QRICH2: variants seen among roughly 807,000 people sequenced by gnomAD.
The protein encoded by QRICH2 is glutamine-rich protein 2.
A neutral mutation model predicts 168.3 loss-of-function variants in QRICH2; 119 were observed. That is an observed-to-expected ratio of 0.71 (90% confidence interval 0.61 to 0.82). QRICH2 has a LOEUF of 0.82. Among genes scored for constraint, QRICH2 ranks in the 40% least tolerant of loss-of-function variants. The pLI is 0.00. For missense variants in QRICH2, 2,241 were observed against 2,491.6 expected (o/e 0.90, Z 2.14); for synonymous variants, 894 against 951.2 (o/e 0.94, Z 1.11).
At chr17:76,282,233 C>T in intron 7 of QRICH2, 118 bp from the exon 8 acceptor site, 1 of 1,286,564 alleles carries the variant, frequency 7.8e-7, no homozygotes. Context: ...TGGGCAGTTG[C>T]TGCATCCTCA....
chr17:76,307,681 C>G lies in QRICH2; in HGVS notation c.318G>C (p.Leu106=), dbSNP rs997607912. The change falls in exon 1 of 19, where the codon CTG becomes CTC. Residue 106 remains leucine (L), a synonymous_variant. Coordinates refer to ENST00000680821, the MANE Select transcript of QRICH2 (RefSeq NM_001388453.1). This position sits in a 1 kb window ranked among gnomAD's most constrained non-coding sequence, Gnocchi z 5.3. ...SSALESQVKD[L]GGQVEDLSKQ... is the part of the protein sequence containing the mutation. ...TGCTCAGGTCCTCCACCTGGCCGCC[C>G]AGGTCCTTCACTTGGCTCTCCAGCG... 6.9e-7 allele frequency: 1 copy of G among 1,453,078 alleles called. No individual in the cohort carries two copies. The highest frequency in any genetic ancestry group is 9.1e-7 in the Non-Finnish European group (1 of 1,101,048). 90.0% of individuals were successfully genotyped at this position (1,453,078 alleles called of 1,614,324 possible).
In QRICH2 at chr17:76,279,361, A is replaced by G; in HGVS notation, c.4814+2T>C. 1 of 1,611,940 alleles carries G rather than the reference A, an allele frequency of 6.2e-7. No homozygotes were observed. Among genetic ancestry groups the G allele is most frequent in the Non-Finnish European group, 8.5e-7 (1 of 1,178,990 alleles). ...CCACGTGCCGGCGGTGTGGGCACTCACTGTCCAGTCACAGGTGTCTCCAAG... is the reference window on the plus strand; with the variant it reads ...CCACGTGCCGGCGGTGTGGGCACTCGCTGTCCAGTCACAGGTGTCTCCAAG... On this transcript the variant is annotated splice_donor_variant, in intron 13 of 18. Coordinates refer to ENST00000680821, the MANE Select transcript of QRICH2 (RefSeq NM_001388453.1). LOFTEE classifies it high-confidence loss of function.
Position 76,292,061 on chromosome 17 carries a change from C to T in QRICH2, c.2666G>A (p.Arg889His), listed in dbSNP as rs138518413. 2.3e-4 allele frequency: 371 copies of T among 1,613,986 alleles called. No individual in the cohort carries two copies. The African/African-American group carries it at 3.1e-3, about 14-fold the overall frequency. ...ATCTGCACCAGGTTGGATCAAACCA[C>T]GCTGGTCCATTCCAGGTTGGACCAA... ...RGLVQPGMDQRGLIQPGADQP... is the reference protein window; with the variant it reads ...RGLVQPGMDQHGLIQPGADQP... The change falls in exon 4 of 19, where the codon CGT (arginine) becomes CAT (histidine). Residue 889 changes from arginine (R) to histidine (H), a missense_variant. Around this residue, in one of 3 missense-constraint regions of QRICH2, gnomAD observed 2,047 missense variants for 2,303.8 expected, o/e 0.89. Coordinates refer to ENST00000680821, the MANE Select transcript of QRICH2 (RefSeq NM_001388453.1).
Position 76,292,473 on chromosome 17 carries a change from C to T in QRICH2, c.2254G>A (p.Val752Ile). Residue 752 changes from valine to isoleucine, a missense_variant, in exon 4 of 19, where the codon GTC (valine) becomes ATC (isoleucine). Coordinates refer to ENST00000680821, the MANE Select transcript of QRICH2 (RefSeq NM_001388453.1). ...CCACGCTGATCTGCACCAGGTGGGA[C>T]CAAACCACGCTGATGATCTGCACGA... ...QPRADHQRGL[V>I]PPGADQRGLV... 1.3e-6 allele frequency: 2 copies of T among 1,528,648 alleles called. No homozygotes were observed. The highest frequency in any genetic ancestry group is 1.2e-5 in the South Asian group (1 of 86,728). The allele number at this position is 1,528,648 out of a possible 1,614,324, so 94.7% of individuals were successfully genotyped here.
In QRICH2 at chr17:76,277,146, C is replaced by T; in HGVS notation, c.5265+17G>A. 6.5e-7 allele frequency: 1 copy of T among 1,536,314 alleles called. No individual in the cohort carries two copies. The highest frequency in any genetic ancestry group is 8.7e-7 in the Non-Finnish European group (1 of 1,148,568). The stretch of plus-strand genomic sequence containing the variant: ...GTCAGGGCCTCCCTCCCTGGTGGCT[C>T]CAGGCAGGGCCCTGACCTTCATGGC... On this transcript the variant is annotated intron_variant, in intron 16 of 18. Coordinates refer to ENST00000680821, the MANE Select transcript of QRICH2 (RefSeq NM_001388453.1).
At chr17:76,282,793 A>G in intron 7 of QRICH2, among the ~76,000 whole-genome samples, 1 of 152,250 alleles carries the variant, frequency 6.6e-6, no homozygotes, top group East Asian at 1.9e-4. Context: ...CAAAGACCTG[A>G]GACATGTTGC....
chr17:76,287,851 GCTT>G lies in QRICH2; in HGVS notation c.3842_3844del (p.Glu1281del), dbSNP rs1479013690. ...CTCTCCAGCTTTCAGTTCCTTCCCTGCTTCTTGATTCCCTTCCCCTTCCAGGAT... is the reference window on the plus strand; with the variant it reads ...CTCTCCAGCTTTCAGTTCCTTCCCTGCTTGATTCCCTTCCCCTTCCAGGAT... On this transcript the variant is annotated inframe_deletion, in exon 6 of 19. Transcript: ENST00000680821. 1 of 1,613,954 alleles carries G rather than the reference GCTT, an allele frequency of 6.2e-7. No individual in the cohort carries two copies. The highest frequency in any genetic ancestry group is 1.3e-5 in the African/African-American group (1 of 74,898).
intron 7 of QRICH2, among the ~76,000 whole-genome samples, chr17:76,283,155 C>T (rs527289555): frequency 2.0e-5 from 3 of 152,218 alleles, no homozygotes; most frequent in South Asian, 2.1e-4. Flanking sequence ...AGAGCCTGCC[C>T]GGAGGCAGGT....
rs774414314 is a variant in QRICH2 at position 76,307,522 on chromosome 17, A to G, written c.477T>C (p.Asp159=). ...TCATGATACTCCCAGTCCGCACCCT[A>G]TCGAACGCCCGCACGCCCACCTCCT... ...EEQEVGVRAF[D]RVRTGSIMKD... is the part of the protein sequence containing the mutation. The change falls in exon 1 of 19, where the codon GAT becomes GAC. Residue 159 remains aspartate, a synonymous_variant. Transcript: ENST00000680821. The surrounding 1 kb of genome is among the most constrained non-coding windows in gnomAD (Gnocchi z 5.3). The G allele has an allele frequency of 5.0e-6, 8 of 1,611,666 alleles. No individual in the cohort carries two copies. The South Asian group carries it at 7.7e-5, about 16-fold the overall frequency.
chr17:76,291,481 G>A lies in QRICH2; in HGVS notation c.3246C>T (p.Gly1082=). 1.2e-6 allele frequency: 2 copies of A among 1,614,034 alleles called. No individual in the cohort carries two copies. The highest frequency in any genetic ancestry group is 1.7e-6 in the Non-Finnish European group (2 of 1,179,966). Residue 1082 remains glycine (G), a synonymous_variant, in exon 4 of 19, where the codon GGC becomes GGT. Transcript: ENST00000680821. ...GGTATACCTGGTCATGCTCACCTGG[G>A]CCAGGTGATGCCACATGCTGTTGAT... ...HPDQQHVASP[G]PGEHDQVYPD...
intron 3 of QRICH2, among the ~76,000 whole-genome samples, chr17:76,294,831 G>A (rs1024069640): frequency 6.9e-6 from 1 of 144,250 alleles, no homozygotes; most frequent in East Asian, 2.1e-4. Flanking sequence ...AAAAAAAAGT[G>A]TAATTTTTCT....
At chr17:76,309,211 C>A (rs146947173), upstream of QRICH2, among the ~76,000 whole-genome samples, 269 of 150,576 alleles carry the variant, frequency 1.8e-3, no homozygotes, top group African/African-American at 6.3e-3. Flanking sequence ...AAAAAATTAG[C>A]CGGGCATGGT....
intron 7 of QRICH2, among the ~76,000 whole-genome samples, chr17:76,285,017 C>T (rs1393115718): frequency 4.6e-5 from 7 of 150,862 alleles, no homozygotes; most frequent in South Asian, 2.1e-4. Flanking sequence ...TCCAGTGGCG[C>T]GATCATGGCT....
Position 76,293,777 on chromosome 17 carries a change from C to G in QRICH2, c.950G>C (p.Arg317Thr). The G allele has an allele frequency of 6.2e-7, 1 of 1,614,102 alleles. No homozygotes were observed. Among genetic ancestry groups the G allele is most frequent in the Non-Finnish European group, 8.5e-7 (1 of 1,179,992 alleles). Residue 317 changes from arginine (R) to threonine (T), a missense_variant, in exon 4 of 19, where the codon AGG (arginine) becomes ACG (threonine). Arg to Thr is a moderately conservative substitution (Grantham distance 71). Around this residue, in one of 3 missense-constraint regions of QRICH2, gnomAD observed 2,047 missense variants for 2,303.8 expected, o/e 0.89. Coordinates refer to ENST00000680821, the MANE Select transcript of QRICH2 (RefSeq NM_001388453.1). ...TGGCACGCCAGCTTCATCACGGGCC[C>G]TCGGCTGCTGCTGTCTCCCAGTACC... ...PSGTGRQQQP[R>T]ARDEAGVPRL...
chr17:76,293,299 T>C lies in QRICH2; in HGVS notation c.1428A>G (p.Thr476=), dbSNP rs769163309. 12 of 1,613,930 alleles carry C rather than the reference T, an allele frequency of 7.4e-6. No homozygotes were observed. Among genetic ancestry groups the C allele is most frequent in the African/African-American group, 1.3e-5 (1 of 74,926 alleles). The change falls in exon 4 of 19, where the codon ACA becomes ACG. Residue 476 remains threonine (T), a synonymous_variant. Coordinates refer to ENST00000680821, the MANE Select transcript of QRICH2 (RefSeq NM_001388453.1). ...TACTGCGTTGGTCTGTGCCAGGAAA[T>C]GTCATACCATGCTGATATGCACTGA... ...VSVSAYQHGM[T]FPGTDQRSME...
chr17:76,301,915 TGTGA>T lies in QRICH2; in HGVS notation c.705+2496_705+2499del, dbSNP rs548831660. Among the ~76,000 whole-genome samples, 1,179 of 143,908 alleles carry T rather than the reference TGTGA, an allele frequency of 8.2e-3. 5 individuals are homozygous for T. Among genetic ancestry groups the T allele is most frequent in the South Asian group, 0.018 (78 of 4,448 alleles). The allele number at this position is 143,908 out of a possible 152,430, so 94.4% of individuals were successfully genotyped here. Reference sequence around the variant, plus strand: ...GTGTGTGTGTGTGTGTGTGTGTGTGTGTGAGACAGAGTCTCACTCTGTCAGCTAG... The same window carrying T: ...GTGTGTGTGTGTGTGTGTGTGTGTGTGACAGAGTCTCACTCTGTCAGCTAG... On this transcript the variant is annotated intron_variant, in intron 3 of 18. Transcript: ENST00000680821.
chr17:76,300,173 C>A (rs554613698), intron 3 of QRICH2, among the ~76,000 whole-genome samples: 237 of 152,212 alleles, frequency 1.6e-3, no homozygotes, highest in Non-Finnish European at 3.0e-3. Context: ...ACTGTTTTTA[C>A]CGAGCAGTAC....
In QRICH2 at chr17:76,275,858, G is replaced by T. The variant is rs748067581; in HGVS notation, c.5443C>A (p.Arg1815=). The T allele has an allele frequency of 1.2e-6, 2 of 1,608,004 alleles. No homozygotes were observed. Among genetic ancestry groups the T allele is most frequent in the South Asian group, 1.1e-5 (1 of 91,074 alleles). ...GCCGAAATCTGGGCGCTCTGTGGCC[G>T]AGAGGGCAGCTGGCCATTGCTGCTG... ...SLSSNGQLPS[R]PQSAQISAGN... is the part of the protein sequence containing the mutation. Residue 1815 remains arginine, a synonymous_variant, in exon 18 of 19, where the codon CGG becomes AGG. Coordinates refer to ENST00000680821, the MANE Select transcript of QRICH2 (RefSeq NM_001388453.1).
intron 1 of QRICH2, among the ~76,000 whole-genome samples, chr17:76,306,003 C>G (rs555282452): frequency 6.6e-6 from 1 of 151,728 alleles, no homozygotes; most frequent in Non-Finnish European, 1.5e-5. Flanking sequence ...AACCCCATCT[C>G]TACTAAAAGT....
Sources: gnomAD v4.1 joint callset for allele counts (sites outside exome capture counted in the v4.1 genomes callset) on GRCh38, gnomAD v4.1.1 for gene constraint, gnomAD v4.1.1 regional missense constraint, Gnocchi (gnomAD v3.1) non-coding constraint, MANE v1.5 for transcripts, NCBI Gene and HGNC (gene_info 2026-07-23, HGNC 2026-07-21) for gene names.